The following DMD variants were observed in gnomAD, a reference collection of about 807,000 sequenced individuals.
DMD encodes the protein mutant dystrophin.
Under a neutral mutation model 330.1 loss-of-function variants are expected in DMD, and 63 were observed. That is an observed-to-expected ratio of 0.19 (90% CI 0.16 to 0.24). The LOEUF is 0.24. Among genes scored for constraint, DMD ranks in the 10% least tolerant of loss-of-function variants. DMD has a pLI of 1.00. For synonymous variants in DMD, 1,223 were observed against 959.8 expected (o/e 1.27, Z -5.07); for missense variants, 3,344 against 2,684.1 (o/e 1.25, Z -5.43).
chrX:31,522,211 A>G (rs1392355415), intron 55 of DMD, among the ~76,000 whole-genome samples: 3 of 107,813 alleles, frequency 2.8e-5, no homozygotes, highest in Non-Finnish European at 1.9e-5. Context: ...TGGGAAAAAC[A>G]TGAATGAAGT....
At chrX:33,234,731 C>T (rs749595117) in intron 1 of DMD, among the ~76,000 whole-genome samples, 3 of 111,760 alleles carry the variant, frequency 2.7e-5, no homozygotes, top group Non-Finnish European at 5.6e-5. Flanking sequence ...GCCACCGCTG[C>T]CATTCCAAGA....
chrX:32,748,932 G>C (rs1018676111), intron 7 of DMD, among the ~76,000 whole-genome samples: 1 of 112,058 alleles, frequency 8.9e-6, no homozygotes, highest in African/African-American at 3.2e-5. Flanking sequence ...CACCTCTATG[G>C]GTACTAACTG....
At chrX:32,685,256 G>A (rs746623890) in intron 9 of DMD, among the ~76,000 whole-genome samples, 2 of 110,860 alleles carry the variant, frequency 1.8e-5, no homozygotes, top group African/African-American at 3.3e-5. Context: ...AAGAATCCAC[G>A]GGCTAATCTT....
In DMD at chrX:32,464,757, C is replaced by T. The variant is rs766637449; in HGVS notation, c.3163-58G>A. 8.5e-5 allele frequency: 70 copies of T among 827,966 alleles called. No homozygotes were observed. In the African/African-American group the frequency reaches 1.4e-3, roughly 17 times the overall value. 68.2% of individuals were successfully genotyped at this position (827,966 alleles called of 1,213,427 possible). A position where few individuals can be genotyped will look rare whatever the true frequency, so the allele number is the denominator to read the frequency against. On this transcript the variant is annotated intron_variant, in intron 23 of 78. Transcript: ENST00000357033. ...TGTGCTGATTACTTTTAACACAATT[C>T]ATCATTGTGTTATGTCTAAACACAG... is the stretch of plus-strand genomic sequence containing the variant.
chrX:31,386,578 C>T, intron 60 of DMD, among the ~76,000 whole-genome samples: 1 of 111,977 alleles, frequency 8.9e-6, no homozygotes, highest in Non-Finnish European at 1.9e-5. Context: ...CTCTGCTAGT[C>T]TTTATGCTCC....
At chrX:31,656,226 C>T (rs2080774665) in intron 54 of DMD, among the ~76,000 whole-genome samples, 1 of 112,399 alleles carries the variant, frequency 8.9e-6, no homozygotes, top group African/African-American at 3.2e-5. Flanking sequence ...TTCTAAAATT[C>T]TCATTTACTT....
chrX:32,681,457 A>G (rs1252184903), intron 9 of DMD, among the ~76,000 whole-genome samples: 2 of 111,861 alleles, frequency 1.8e-5, no homozygotes, highest in Non-Finnish European at 1.9e-5. Context: ...TAACTCTTCT[A>G]TTACGATGAG....
chrX:31,478,126 C>T lies in DMD; in HGVS notation c.8917G>A (p.Asp2973Asn), dbSNP rs1217250143. The part of the protein sequence containing the change: ...VGDLLIDSLQ[D>N]HLEKVKALRG... ...GGTACCTTGACTTTCTCGAGGTGAT[C>T]TTGGAGAGAGTCAATGAGGAGATCG... is the stretch of plus-strand genomic sequence containing the variant. The change falls in exon 59 of 79, where the codon GAT (aspartate) becomes AAT (asparagine). Residue 2973 changes from aspartate to asparagine, a missense_variant. Transcript: ENST00000357033. 2 of 1,210,876 alleles carry T rather than the reference C, an allele frequency of 1.7e-6. No homozygotes were observed. The highest frequency in any genetic ancestry group is 3.0e-5 in the East Asian group (1 of 33,835).
intron 48 of DMD, among the ~76,000 whole-genome samples, chrX:31,851,784 C>T (rs1231386283): frequency 9.0e-6 from 1 of 111,559 alleles, no homozygotes; most frequent in Non-Finnish European, 1.9e-5. Flanking sequence ...ATGTAAAGCA[C>T]TGGATAGGAA....
intron 13 of DMD, among the ~76,000 whole-genome samples, chrX:32,590,314 A>AT (rs2054756508): frequency 8.9e-6 from 1 of 112,328 alleles, no homozygotes. Context: ...CTGATCCAAA[A>AT]TTGTGTTTTC....
intron 62 of DMD, among the ~76,000 whole-genome samples, chrX:31,284,878 G>A (rs1016574162): frequency 3.0e-5 from 3 of 99,705 alleles, no homozygotes; most frequent in Non-Finnish European, 6.2e-5. Flanking sequence ...ACCCACACAC[G>A]CAAAGTATGT....
chrX:32,586,655 GA>G (rs199675546), intron 13 of DMD, among the ~76,000 whole-genome samples: 1 of 109,713 alleles, frequency 9.1e-6, no homozygotes, highest in Non-Finnish European at 1.9e-5. Flanking sequence ...AACCAAAACT[GA>G]AAAAAATCAC....
intron 33 of DMD, among the ~76,000 whole-genome samples, chrX:32,381,369 C>T (rs978631341): frequency 4.5e-5 from 5 of 111,326 alleles, no homozygotes; most frequent in Non-Finnish European, 9.5e-5. Context: ...GATACCAACA[C>T]CCTCAAAAGC....
At chrX:33,283,371 TCTA>T (rs978306178) in intron 1 of DMD, among the ~76,000 whole-genome samples, 2 of 110,801 alleles carry the variant, frequency 1.8e-5, no homozygotes, top group Non-Finnish European at 3.8e-5. Context: ...AAACCCCGTC[TCTA>T]CTAAAAATAC....
chrX:32,329,240 G>C (rs1372502295), intron 41 of DMD, among the ~76,000 whole-genome samples: 1 of 112,234 alleles, frequency 8.9e-6, no homozygotes, highest in Non-Finnish European at 1.9e-5. Context: ...ACGTCTAGCT[G>C]ATGTTCTAGA....
intron 27 of DMD, 122 bp downstream of exon 27, chrX:32,448,334 T>A (rs2098314047): frequency 1.3e-6 from 1 of 744,167 alleles, no homozygotes; most frequent in African/African-American, 2.1e-5. Context: ...AACTTATAAG[T>A]GCCTGAATGA....
intron 53 of DMD, among the ~76,000 whole-genome samples, chrX:31,665,807 T>C (rs762318411): frequency 8.0e-5 from 9 of 111,949 alleles, no homozygotes; most frequent in African/African-American, 2.9e-4. Flanking sequence ...ATTTTTATAA[T>C]TAAACTAATG....
At chrX:31,773,840 C>T (rs1296956575) in intron 51 of DMD, 120 bp downstream of exon 51, 11 of 544,019 alleles carry the variant, frequency 2.0e-5, no homozygotes, top group Non-Finnish European at 3.3e-5. Context: ...AATGTGTTTG[C>T]TGAGAGAGAA....
chrX:31,639,026 C>T (rs2079578592), intron 54 of DMD, among the ~76,000 whole-genome samples: 1 of 111,745 alleles, frequency 8.9e-6, no homozygotes, highest in African/African-American at 3.2e-5. Flanking sequence ...GCTAGACAAT[C>T]TGGCAGGTCT....
Sources: allele counts gnomAD v4.1 joint callset (sites outside exome capture counted in the v4.1 genomes callset), GRCh38; gene constraint gnomAD v4.1.1; transcripts MANE v1.5; gene names NCBI Gene and HGNC (gene_info 2026-07-23, HGNC 2026-07-21).